The following TMEM132D variants were observed in gnomAD, a reference collection of about 807,000 sequenced individuals.
The protein encoded by TMEM132D is mature OL transmembrane protein.
In TMEM132D, 21 loss-of-function variants were observed where a neutral mutation model predicts 62.3. That is an observed-to-expected ratio of 0.34 (90% confidence interval 0.24 to 0.49). TMEM132D has a LOEUF of 0.49. Among genes scored for constraint, TMEM132D ranks in the 20% least tolerant of loss-of-function variants. The pLI, the probability that TMEM132D is intolerant of heterozygous loss-of-function variation, is 0.99. For missense variants in TMEM132D, 1,346 were observed against 1,402.8 expected (o/e 0.96, Z 0.65); for synonymous variants, 621 against 575.6 (o/e 1.08, Z -1.13).
chr12:129,445,546 C>G (rs1474509261), intron 3 of TMEM132D, among the ~76,000 whole-genome samples: 1 of 152,044 alleles, frequency 6.6e-6, no homozygotes, highest in Non-Finnish European at 1.5e-5. Context: ...TTGTCTGAGA[C>G]TGAAGCTAAC....
chr12:129,554,943 C>A (rs534832939), intron 2 of TMEM132D, among the ~76,000 whole-genome samples: 1 of 152,240 alleles, frequency 6.6e-6, no homozygotes, highest in African/African-American at 2.4e-5. Context: ...GAGTTCCAGT[C>A]GCTTGCATAA....
intron 3 of TMEM132D, among the ~76,000 whole-genome samples, chr12:129,468,079 C>G (rs769626117): frequency 1.3e-5 from 2 of 152,112 alleles, no homozygotes; most frequent in Non-Finnish European, 2.9e-5. Flanking sequence ...ATTTTTCTAC[C>G]CAGGCCAGCT....
At chr12:129,354,932 C>G (rs1277190003) in intron 3 of TMEM132D, among the ~76,000 whole-genome samples, 1 of 152,208 alleles carries the variant, frequency 6.6e-6, no homozygotes, top group Non-Finnish European at 1.5e-5. Context: ...CCATCCCCCA[C>G]TATAAATGTA....
chr12:129,797,815 G>C (rs1871611516), intron 1 of TMEM132D, among the ~76,000 whole-genome samples: 1 of 152,034 alleles, frequency 6.6e-6, no homozygotes. Flanking sequence ...CACTTAGTGT[G>C]TAAATGAAGC....
chr12:129,500,930 G>T (rs1593039788), intron 3 of TMEM132D, among the ~76,000 whole-genome samples: 1 of 152,160 alleles, frequency 6.6e-6, no homozygotes, highest in East Asian at 1.9e-4. Context: ...AGAAAACTGG[G>T]CAAGTAAAAT....
At chr12:129,887,034 C>T (rs553183714) in intron 1 of TMEM132D, among the ~76,000 whole-genome samples, 2 of 152,196 alleles carry the variant, frequency 1.3e-5, no homozygotes, top group Non-Finnish European at 2.9e-5. Context: ...GTCTCGGGTA[C>T]GTCCTCATAG....
intron 1 of TMEM132D, among the ~76,000 whole-genome samples, chr12:129,716,279 C>G (rs914890140): frequency 6.6e-6 from 1 of 152,120 alleles, no homozygotes; most frequent in African/African-American, 2.4e-5. Context: ...GCAAGGGAGT[C>G]CCCGATGATG....
At chr12:129,676,542 G>C (rs758819150) in intron 2 of TMEM132D, among the ~76,000 whole-genome samples, 1 of 152,192 alleles carries the variant, frequency 6.6e-6, no homozygotes, top group African/African-American at 2.4e-5. Flanking sequence ...AGAGGAGGGG[G>C]AAGGGAGCCA....
intron 2 of TMEM132D, chr12:129,682,951 G>C (rs1219675593): frequency 6.7e-6 from 1 of 149,704 alleles, no homozygotes; most frequent in Non-Finnish European, 1.5e-5. Flanking sequence ...GCTGACTTAA[G>C]TTGGCACCTT....
intron 3 of TMEM132D, among the ~76,000 whole-genome samples, chr12:129,428,935 T>G (rs1333623874): frequency 6.6e-6 from 1 of 152,238 alleles, no homozygotes; most frequent in Non-Finnish European, 1.5e-5. Flanking sequence ...TGAGGAAGTG[T>G]GAATTTTGCC....
At chr12:129,879,609 T>G (rs375601966) in intron 1 of TMEM132D, among the ~76,000 whole-genome samples, 2 of 152,034 alleles carry the variant, frequency 1.3e-5, no homozygotes, top group East Asian at 3.9e-4. Flanking sequence ...GTGGAAAAGG[T>G]GGACAACTCT....
At chr12:129,364,521 A>G (rs1008414458) in intron 3 of TMEM132D, among the ~76,000 whole-genome samples, 2 of 152,218 alleles carry the variant, frequency 1.3e-5, no homozygotes, top group African/African-American at 4.8e-5. Context: ...GTAATTTTGT[A>G]GTTGCAATCG....
At chr12:129,366,689 TA>T (rs1870425211) in intron 3 of TMEM132D, among the ~76,000 whole-genome samples, 1 of 152,190 alleles carries the variant, frequency 6.6e-6, no homozygotes, top group Non-Finnish European at 1.5e-5. Context: ...TGACAGGCAT[TA>T]ACTGAGGTCT....
intron 5 of TMEM132D, among the ~76,000 whole-genome samples, chr12:129,091,471 G>A (rs374208374): frequency 6.6e-6 from 1 of 150,814 alleles, no homozygotes; most frequent in Non-Finnish European, 1.5e-5. Context: ...TGCTCAGCTG[G>A]GCTCTGGAGA....
intron 3 of TMEM132D, among the ~76,000 whole-genome samples, chr12:129,389,188 G>A (rs67125937): frequency 0.34 from 47,629 of 139,108 alleles, 9,017 homozygotes; most frequent in Middle Eastern, 0.46. Flanking sequence ...ATTAATACAA[G>A]CACTATCACC....
intron 2 of TMEM132D, among the ~76,000 whole-genome samples, chr12:129,699,160 A>G (rs1258559509): frequency 2.0e-5 from 3 of 152,354 alleles, no homozygotes; most frequent in East Asian, 1.9e-4. Context: ...TATATTCCAC[A>G]GTGAAAACCA....
At chr12:129,094,053 T>C (rs1027586748) in intron 5 of TMEM132D, among the ~76,000 whole-genome samples, 8 of 152,090 alleles carry the variant, frequency 5.3e-5, no homozygotes, top group African/African-American at 1.9e-4. Flanking sequence ...AAGACTTAAA[T>C]GTTAGACCTA....
At position 129,762,355 on chromosome 12, in the gene TMEM132D, T is replaced by TA. The variant is rs201904902; in HGVS notation, c.80-61658dup. Among the ~76,000 whole-genome samples the TA allele has an allele frequency of 4.8e-3, 733 of 151,924 alleles. 8 individuals are homozygous for TA. Among genetic ancestry groups the TA allele is most frequent in the African/African-American group, 0.017 (698 of 41,410 alleles). On this transcript the variant is annotated intron_variant, in intron 1 of 8. Transcript: ENST00000422113. Reference sequence around the variant, plus strand: ...GTTAAGATGGGCAGATTGAATTTTTTAAAAAAAATCAACTGATACTTTTCC... The same window carrying TA: ...GTTAAGATGGGCAGATTGAATTTTTTAAAAAAAAATCAACTGATACTTTTCC...
chr12:129,228,220 T>G (rs1181114680), intron 4 of TMEM132D, among the ~76,000 whole-genome samples: 1 of 152,172 alleles, frequency 6.6e-6, no homozygotes, highest in Non-Finnish European at 1.5e-5. Flanking sequence ...ATGAGTCCAG[T>G]AATCCGGTGG....
Sources: gnomAD v4.1 joint callset for allele counts (sites outside exome capture counted in the v4.1 genomes callset) on GRCh38, gnomAD v4.1.1 for gene constraint, MANE v1.5 for transcripts, NCBI Gene and HGNC (gene_info 2026-07-23, HGNC 2026-07-21) for gene names.